The following GCNT1 variants were observed in gnomAD, a reference collection of about 807,000 sequenced individuals.
GCNT1 encodes glucosaminyl (N-acetyl) transferase 1.
GCNT1 carries 16 observed loss-of-function variants against 26.2 expected under a neutral mutation model. That is an observed-to-expected ratio of 0.61 (90% confidence interval 0.41 to 0.93). The LOEUF is 0.93. GCNT1 is among the 40% of genes least tolerant of loss of function. The pLI, the probability that GCNT1 is intolerant of heterozygous loss-of-function variation, is 0.00. For missense variants in GCNT1, 477 were observed against 526.7 expected (o/e 0.91, Z 0.92); for synonymous variants, 183 against 190.8 (o/e 0.96, Z 0.34).
At position 76,507,167 on chromosome 9, in the gene GCNT1, CAAT is replaced by C. The variant is rs1270736467; in HGVS notation, c.*3500_*3502del. The C allele has an allele frequency of 1.2e-5, 2 of 166,950 alleles. No individual in the cohort carries two copies. Among genetic ancestry groups the C allele is most frequent in the South Asian group, 2.1e-4 (1 of 4,830 alleles). The allele number at this position is 166,950 out of a possible 1,614,324, so 10.3% of individuals were successfully genotyped here. On this transcript the variant is annotated 3_prime_UTR_variant, in exon 4 of 4. Coordinates refer to ENST00000376730, the MANE Select transcript of GCNT1 (RefSeq NM_001490.5). ...TGAATACTGTTGTGAAAGTGAAAAA[CAAT>C]GATTGTATGGGTACTCAAAGTATAA... is the stretch of plus-strand genomic sequence containing the variant.
At chr9:76,427,693 A>G (rs1823275657) in intron 1 of GCNT1, among the ~76,000 whole-genome samples, 1 of 152,218 alleles carries the variant, frequency 6.6e-6, no homozygotes, top group South Asian at 2.1e-4. Context: ...AATAAAAATT[A>G]AAAGGATTAG....
chr9:76,472,739 CTTTTCTTTTCTT>C (rs1824161737), intron 2 of GCNT1, among the ~76,000 whole-genome samples: 1 of 95,914 alleles, frequency 1.0e-5, no homozygotes, highest in African/African-American at 6.5e-5. Context: ...CTTTTCTTTT[CTTTTCTTTTCTT>C]TTTTTTTTTT....
upstream of GCNT1, among the ~76,000 whole-genome samples, chr9:76,437,449 G>A (rs1823424801): frequency 6.6e-6 from 1 of 152,142 alleles, no homozygotes; most frequent in South Asian, 2.1e-4. Flanking sequence ...CAAATGCCAT[G>A]GCAACGTCAG....
At chr9:76,432,857 T>TTA (rs1439458749) in intron 1 of GCNT1, among the ~76,000 whole-genome samples, 1 of 152,112 alleles carries the variant, frequency 6.6e-6, no homozygotes, top group African/African-American at 2.4e-5. Flanking sequence ...TTCACCTATT[T>TTA]TATATATACC....
chr9:76,466,294 C>T (rs1823992131), intron 2 of GCNT1, among the ~76,000 whole-genome samples: 1 of 151,868 alleles, frequency 6.6e-6, no homozygotes, highest in South Asian at 2.1e-4. Flanking sequence ...TGCTCTAATG[C>T]TACTGGGATT....
At chr9:76,406,285 A>G in the GCNT1 span, among the ~76,000 whole-genome samples, 4 of 152,162 alleles carry the variant, frequency 2.6e-5, no homozygotes, top group Non-Finnish European at 5.9e-5. Flanking sequence ...GCTCGAGCCC[A>G]GGAGTTCAAG....
chr9:76,451,011 A>G (rs1309019894), intron 1 of GCNT1, among the ~76,000 whole-genome samples: 2 of 152,214 alleles, frequency 1.3e-5, no homozygotes, highest in Non-Finnish European at 2.9e-5. Context: ...AACATATTTC[A>G]GGCTTTACTC....
intron 2 of GCNT1, among the ~76,000 whole-genome samples, chr9:76,481,293 G>C (rs137923685): frequency 1.2e-4 from 18 of 151,880 alleles, no homozygotes; most frequent in Non-Finnish European, 1.6e-4. Context: ...GGAAATTCCT[G>C]TACCCCTTCT....
the GCNT1 span, among the ~76,000 whole-genome samples, chr9:76,401,603 C>T: frequency 2.6e-5 from 4 of 152,076 alleles, no homozygotes; most frequent in African/African-American, 9.7e-5. Context: ...CCCCCTGTAA[C>T]AAAAAACAGA....
intron 2 of GCNT1, among the ~76,000 whole-genome samples, chr9:76,463,254 A>G (rs989626122): frequency 6.6e-6 from 1 of 151,580 alleles, no homozygotes; most frequent in Non-Finnish European, 1.5e-5. Flanking sequence ...GACTGGCTAC[A>G]TAATTTGTGG....
At chr9:76,422,743 A>T (rs1823211978) in intron 1 of GCNT1, among the ~76,000 whole-genome samples, 1 of 152,034 alleles carries the variant, frequency 6.6e-6, no homozygotes, top group African/African-American at 2.4e-5. Flanking sequence ...TGTAGAGACT[A>T]GGTTTCTCCA....
intron 1 of GCNT1, among the ~76,000 whole-genome samples, chr9:76,429,858 G>T (rs185841569): frequency 1.3e-5 from 2 of 151,712 alleles, no homozygotes; most frequent in Non-Finnish European, 2.9e-5. Context: ...GGGACTACAC[G>T]CACCCGCCAC....
the GCNT1 span, chr9:76,398,833 C>T: frequency 7.2e-7 from 1 of 1,395,744 alleles, no homozygotes; most frequent in Non-Finnish European, 1.0e-6. Flanking sequence ...AAAGTAATGG[C>T]ATCTATATCA....
At chr9:76,397,871 G>A in the GCNT1 span, among the ~76,000 whole-genome samples, 3 of 152,282 alleles carry the variant, frequency 2.0e-5, no homozygotes, top group East Asian at 5.8e-4. Flanking sequence ...AGAGGCCAAA[G>A]CATATGCTTC....
chr9:76,417,044 C>T (rs990382535), upstream of GCNT1, among the ~76,000 whole-genome samples: 1 of 152,052 alleles, frequency 6.6e-6, no homozygotes, highest in African/African-American at 2.4e-5. Flanking sequence ...GTGACAGAGC[C>T]AGACTCTGTC....
upstream of GCNT1, among the ~76,000 whole-genome samples, chr9:76,417,663 C>A (rs1316925942): frequency 6.6e-6 from 1 of 152,172 alleles, no homozygotes; most frequent in Non-Finnish European, 1.5e-5. Context: ...CCAAAGGCAT[C>A]TGTATTTTCA....
chr9:76,445,364 T>G (rs1437224579), intron 1 of GCNT1, among the ~76,000 whole-genome samples: 1 of 152,036 alleles, frequency 6.6e-6, no homozygotes, highest in African/African-American at 2.4e-5. Context: ...AAGTTTAAAC[T>G]CTTTGTTTCA....
chr9:76,454,386 GAAAAAAAAA>G (rs71372084), upstream of GCNT1, among the ~76,000 whole-genome samples: 163 of 39,624 alleles, frequency 4.1e-3, 1 homozygote, highest in African/African-American at 0.014. Context: ...TCTCAGAAAA[GAAAAAAAAA>G]AAAAAAAAAA....
intron 2 of GCNT1, among the ~76,000 whole-genome samples, chr9:76,485,459 C>T (rs997380343): frequency 6.6e-6 from 1 of 152,126 alleles, no homozygotes; most frequent in Non-Finnish European, 1.5e-5. Context: ...CTGCATTTTA[C>T]TTATTTAATT....
Sources: gnomAD v4.1 joint callset for allele counts (sites outside exome capture counted in the v4.1 genomes callset) on GRCh38, gnomAD v4.1.1 for gene constraint, MANE v1.5 for transcripts, NCBI Gene and HGNC (gene_info 2026-07-23, HGNC 2026-07-21) for gene names.